SIGLEC15: variants seen among roughly 807,000 people sequenced by gnomAD.
The protein encoded by SIGLEC15 is sialic acid binding Ig like lectin 15.
Under a neutral mutation model 26.2 loss-of-function variants are expected in SIGLEC15, and 31 were observed. The ratio of observed to expected loss-of-function variants is 1.18; its 90% CI spans 0.89 to 1.60. The LOEUF (loss-of-function observed/expected upper bound fraction) is 1.60, where lower values mean the gene tolerates loss of function less well. Ranked by LOEUF, SIGLEC15 falls within the 40% of genes most tolerant of loss-of-function variation. The pLI is 0.00. For synonymous variants in SIGLEC15, 207 were observed against 221.9 expected (o/e 0.93, Z 0.60); for missense variants, 501 against 488.4 (o/e 1.03, Z -0.24).
chr18:45,842,490 C>A lies in SIGLEC15; in HGVS notation c.*303C>A. The A allele has an allele frequency of 2.9e-6, 1 of 347,132 alleles. No homozygotes were observed. The highest frequency in any genetic ancestry group is 5.1e-5 in the East Asian group (1 of 19,562). 21.5% of individuals were successfully genotyped at this position (347,132 alleles called of 1,614,324 possible). On this transcript the variant is annotated 3_prime_UTR_variant, in exon 6 of 6. Coordinates refer to ENST00000389474, the MANE Select transcript of SIGLEC15 (RefSeq NM_213602.3). ...ACGCATTAGCTTGAGCGTGAAACTT[C>A]CAGAAATGTTCCCTTGCCCTTTCTT...
intron 1 of SIGLEC15, among the ~76,000 whole-genome samples, chr18:45,832,388 C>T (rs2048242744): frequency 8.0e-6 from 1 of 125,222 alleles, no homozygotes; most frequent in African/African-American, 3.1e-5. Context: ...GTGAAGGAGC[C>T]TAGGACGTGC....
chr18:45,833,704 T>C (rs1275622237), intron 1 of SIGLEC15, among the ~76,000 whole-genome samples: 2 of 152,042 alleles, frequency 1.3e-5, no homozygotes, highest in African/African-American at 2.4e-5. Context: ...TCAAAAAGAG[T>C]TTACTGCTGT....
At chr18:45,841,957 C>G in intron 5 of SIGLEC15, 149 bp from the exon 6 acceptor site, 1 of 731,478 alleles carries the variant, frequency 1.4e-6, no homozygotes, top group Non-Finnish European at 2.4e-6. Context: ...TGCCCAGCCT[C>G]CGATGCCATT....
chr18:45,837,688 T>G lies in SIGLEC15; in HGVS notation c.288T>G (p.Ala96=), dbSNP rs2048287142. Residue 96 remains alanine, a synonymous_variant, in exon 3 of 6, where the codon GCT becomes GCG. Coordinates refer to ENST00000389474, the MANE Select transcript of SIGLEC15 (RefSeq NM_213602.3). Reference sequence around the variant, plus strand: ...CGGGCCCGCAGGTGTTCCGCTGCGCTGCGGCGCGGGGCAGCGAGCTCTGCC... The same window carrying G: ...CGGGCCCGCAGGTGTTCCGCTGCGCGGCGGCGCGGGGCAGCGAGCTCTGCC... ...PYAGPQVFRC[A]AARGSELCQT... 2 of 1,478,118 alleles carry G rather than the reference T, an allele frequency of 1.4e-6. No individual in the cohort carries two copies. The highest frequency in any genetic ancestry group is 1.8e-6 in the Non-Finnish European group (2 of 1,124,160). The allele number at this position is 1,478,118 out of a possible 1,614,324, so 91.6% of individuals were successfully genotyped here.
rs571845958 is a variant in SIGLEC15, at chr18:45,828,157, C to T, written c.52+2377C>T. Among the ~76,000 whole-genome samples the T allele has an allele frequency of 5.8e-3, 888 of 152,312 alleles. 9 individuals carry two copies. Among genetic ancestry groups the T allele is most frequent in the African/African-American group, 0.02 (842 of 41,568 alleles). ...CGAGGAGCAGGCTCTGCTCCACCAC[C>T]GTGTGTGCACCAGAGGCTCTGTGAG... On this transcript the variant is annotated intron_variant, in intron 1 of 5. Transcript: ENST00000389474.
intron 1 of SIGLEC15, among the ~76,000 whole-genome samples, chr18:45,836,451 A>T (rs1158175929): frequency 2.6e-5 from 4 of 151,640 alleles, no homozygotes; most frequent in Non-Finnish European, 5.9e-5. Flanking sequence ...TCTCCTTGGG[A>T]GGCACCACCC....
chr18:45,841,847 G>A (rs2048327298), intron 5 of SIGLEC15, among the ~76,000 whole-genome samples: 1 of 152,172 alleles, frequency 6.6e-6, no homozygotes, highest in South Asian at 2.1e-4. Context: ...CCGATTTGTA[G>A]GTCAGGGACA....
At chr18:45,837,182 G>A (rs1396516725) in intron 2 of SIGLEC15, 94 bp downstream of exon 2, 3 of 1,550,862 alleles carry the variant, frequency 1.9e-6, no homozygotes, top group Admixed American at 3.8e-5. Flanking sequence ...AGGTTTTGAT[G>A]GGGAAAAACT....
intron 3 of SIGLEC15, 132 bp downstream of exon 3, chr18:45,838,028 C>T: frequency 8.5e-7 from 1 of 1,174,492 alleles, no homozygotes; most frequent in Non-Finnish European, 1.1e-6. Flanking sequence ...CTCCTCTACC[C>T]CAGGGATCTC....
At chr18:45,825,805 C>T (rs1463878096) in intron 1 of SIGLEC15, 25 bp downstream of exon 1, 2 of 1,613,940 alleles carry the variant, frequency 1.2e-6, no homozygotes, top group African/African-American at 1.3e-5. Context: ...CTCTCTCTGG[C>T]CCATGCTCGG....
intron 3 of SIGLEC15, 83 bp downstream of exon 3, chr18:45,837,979 C>A: frequency 7.2e-7 from 1 of 1,388,032 alleles, no homozygotes; most frequent in Non-Finnish European, 9.3e-7. Flanking sequence ...GGGTGCCAGG[C>A]GCTGTGCTGA....
chr18:45,830,487 G>A (rs1042005726), intron 1 of SIGLEC15, among the ~76,000 whole-genome samples: 4 of 152,074 alleles, frequency 2.6e-5, no homozygotes, highest in African/African-American at 7.3e-5. Context: ...GGGGAATTTC[G>A]CTATGAAAGA....
intron 1 of SIGLEC15, among the ~76,000 whole-genome samples, chr18:45,827,137 A>G (rs1014963311): frequency 6.6e-6 from 1 of 152,178 alleles, no homozygotes; most frequent in Non-Finnish European, 1.5e-5. Context: ...CCTGGTCTCG[A>G]ACTCCTGACC....
rs1376181316 is a variant in SIGLEC15 at position 45,837,495 on chromosome 18, A to G, written c.113-18A>G. On this transcript the variant is annotated intron_variant, in intron 2 of 5. Coordinates refer to ENST00000389474, the MANE Select transcript of SIGLEC15 (RefSeq NM_213602.3). ...GACCCCAGGGCCCCGAGCCTGACGCAGCCCGCCCCGCCCTCAGGCTCGCCA... is the reference window on the plus strand; with the variant it reads ...GACCCCAGGGCCCCGAGCCTGACGCGGCCCGCCCCGCCCTCAGGCTCGCCA... The G allele has an allele frequency of 6.8e-7, 1 of 1,467,614 alleles. No homozygotes were observed. The highest frequency in any genetic ancestry group is 2.6e-5 in the Admixed American group (1 of 37,956). The allele number at this position is 1,467,614 out of a possible 1,614,324, so 90.9% of individuals were successfully genotyped here.
intron 1 of SIGLEC15, among the ~76,000 whole-genome samples, chr18:45,828,422 T>C (rs2048203967): frequency 6.6e-6 from 1 of 152,102 alleles, no homozygotes; most frequent in Non-Finnish European, 1.5e-5. Flanking sequence ...TATCTGCTTT[T>C]AGGAAGCTAG....
intron 3 of SIGLEC15, chr18:45,838,448 G>A: frequency 3.8e-6 from 2 of 527,876 alleles, no homozygotes; most frequent in Non-Finnish European, 6.5e-6. Flanking sequence ...CCGGGACCTA[G>A]TCCAAGCACC....
chr18:45,827,791 T>C (rs572447010), intron 1 of SIGLEC15, among the ~76,000 whole-genome samples: 2 of 152,286 alleles, frequency 1.3e-5, no homozygotes, highest in South Asian at 4.1e-4. Flanking sequence ...ATTTTAGGTT[T>C]AGGGTGATTT....
intron 1 of SIGLEC15, among the ~76,000 whole-genome samples, chr18:45,834,403 C>G (rs1379287608): frequency 6.6e-6 from 1 of 152,200 alleles, no homozygotes; most frequent in Non-Finnish European, 1.5e-5. Context: ...AGGCAATGCT[C>G]ATATTGAGGA....
In SIGLEC15 at chr18:45,837,518, C is replaced by T; in HGVS notation, c.118C>T (p.Pro40Ser). The change falls in exon 3 of 6, where the codon CCA (proline) becomes TCA (serine). Residue 40 changes from proline to serine, a missense_variant. Physicochemically the swap from Pro to Ser is moderately conservative, Grantham distance 74. Transcript: ENST00000389474. ...GCAGCCCGCCCCGCCCTCAGGCTCG[C>T]CAGCGCAGCGCTGGTCCATGCAGGT... ...NLLNTEVHSS[P>S]AQRWSMQVPP... 2.0e-6 allele frequency: 3 copies of T among 1,499,068 alleles called. No homozygotes were observed. The highest frequency in any genetic ancestry group is 2.7e-5 in the East Asian group (1 of 37,714). 92.9% of individuals were successfully genotyped at this position (1,499,068 alleles called of 1,614,324 possible).
Sources: allele counts gnomAD v4.1 joint callset (sites outside exome capture counted in the v4.1 genomes callset), GRCh38; gene constraint gnomAD v4.1.1; transcripts MANE v1.5; gene names NCBI Gene and HGNC (gene_info 2026-07-23, HGNC 2026-07-21).